The following FAM81A variants were observed in gnomAD, a reference collection of about 807,000 sequenced individuals.
FAM81A encodes protein FAM81A.
FAM81A carries 19 observed loss-of-function variants against 46.7 expected under a neutral mutation model. The observed-to-expected ratio is 0.41, with a 90% CI of 0.28 to 0.60. The LOEUF (loss-of-function observed/expected upper bound fraction) is 0.60. Ranked by LOEUF, FAM81A falls within the 20% of genes least tolerant of loss-of-function variation. The probability of loss-of-function intolerance (pLI) is 0.34; values close to 1 mark genes in which losing one functional copy is unlikely to be tolerated. For synonymous variants in FAM81A, 183 were observed against 152.9 expected (o/e 1.20, Z -1.45); for missense variants, 377 against 453.5 (o/e 0.83, Z 1.53).
intron 2 of FAM81A, 74 bp downstream of exon 2, chr15:59,458,720 G>A: frequency 7.1e-6 from 10 of 1,412,202 alleles, no homozygotes; most frequent in Non-Finnish European, 1.0e-5. Context: ...AGCTTGGGCT[G>A]TTACATTATC....
chr15:59,471,847 G>A (rs2081696217), intron 3 of FAM81A, among the ~76,000 whole-genome samples: 1 of 152,030 alleles, frequency 6.6e-6, no homozygotes, highest in Non-Finnish European at 1.5e-5. Flanking sequence ...CTAAGGACAA[G>A]GATTCACTCA....
chr15:59,465,759 A>G lies in FAM81A; in HGVS notation c.294+5553A>G, dbSNP rs559203761. The stretch of plus-strand genomic sequence containing the variant: ...TGCGCACAACGTGCAGGTTTGATAC[A>G]TAGTTATACATGTGCCATGTTGGTT... On this transcript the variant is annotated intron_variant, in intron 3 of 8. Transcript: ENST00000288228. Among the ~76,000 whole-genome samples the G allele has an allele frequency of 1.9e-4, 29 of 152,158 alleles. 1 individual carries two copies. Among genetic ancestry groups the G allele is most frequent in the Admixed American group, 1.8e-3 (27 of 15,278 alleles).
intron 2 of FAM81A, among the ~76,000 whole-genome samples, chr15:59,412,875 A>T (rs2081128409): frequency 6.6e-6 from 1 of 152,158 alleles, no homozygotes; most frequent in Admixed American, 6.5e-5. Context: ...TTGACATTAA[A>T]ATTAGCCTTG....
intron 4 of FAM81A, among the ~76,000 whole-genome samples, chr15:59,499,859 A>ATT (rs746846741): frequency 0.048 from 6,446 of 134,476 alleles, 176 homozygotes; most frequent in African/African-American, 0.068. Flanking sequence ...TTTCATTTTC[A>ATT]TTTTTTTTTT....
intron 2 of FAM81A, among the ~76,000 whole-genome samples, chr15:59,422,622 G>GC (rs1256933742): frequency 2.6e-5 from 4 of 152,054 alleles, no homozygotes; most frequent in Non-Finnish European, 4.4e-5. Context: ...GACTACAGGT[G>GC]CCTGCCACCA....
intron 2 of FAM81A, among the ~76,000 whole-genome samples, chr15:59,421,281 G>A (rs1438555972): frequency 6.6e-6 from 1 of 152,196 alleles, no homozygotes; most frequent in Non-Finnish European, 1.5e-5. Flanking sequence ...ATCCCTGACA[G>A]CTTGAACAAA....
chr15:59,463,255 C>G (rs1434592316), intron 3 of FAM81A, among the ~76,000 whole-genome samples: 2 of 151,922 alleles, frequency 1.3e-5, no homozygotes, highest in African/African-American at 4.8e-5. Flanking sequence ...CTATCCTTTT[C>G]CCATTTGTCC....
intron 3 of FAM81A, among the ~76,000 whole-genome samples, chr15:59,490,426 G>T (rs1225020336): frequency 2.0e-5 from 3 of 152,102 alleles, no homozygotes; most frequent in Non-Finnish European, 4.4e-5. Flanking sequence ...TTTAAAAAAT[G>T]GGCAAAAGAT....
chr15:59,453,671 G>GT (rs1483668585), intron 1 of FAM81A, among the ~76,000 whole-genome samples: 1 of 151,828 alleles, frequency 6.6e-6, no homozygotes, highest in Non-Finnish European at 1.5e-5. Flanking sequence ...AAAACAGGCA[G>GT]TAAAAATGGG....
rs866922463 is a variant in FAM81A, at chr15:59,444,839, A to G, written c.-78+6557A>G. 3.3e-5 allele frequency among the ~76,000 whole-genome samples: 5 copies of G among 152,332 alleles called. No homozygotes were observed. In the Middle Eastern group the frequency reaches 0.014, roughly 415 times the overall value. On this transcript the variant is annotated intron_variant, in intron 1 of 8. Transcript: ENST00000288228. Reference sequence around the variant, plus strand: ...ATAAAAGCAGGTGATTTTTGCAAAAAGAGAAAACCCAATTGCTTTTTATGC... The same window carrying G: ...ATAAAAGCAGGTGATTTTTGCAAAAGGAGAAAACCCAATTGCTTTTTATGC...
chr15:59,465,191 T>C (rs1208151200), intron 3 of FAM81A, among the ~76,000 whole-genome samples: 3 of 152,228 alleles, frequency 2.0e-5, no homozygotes, highest in African/African-American at 7.2e-5. Flanking sequence ...TTTATGCCAG[T>C]ACCATGCTGT....
At chr15:59,493,674 G>A (rs752593592) in intron 4 of FAM81A, among the ~76,000 whole-genome samples, 3 of 152,048 alleles carry the variant, frequency 2.0e-5, no homozygotes, top group African/African-American at 4.8e-5. Flanking sequence ...TGCAACCTCC[G>A]CCTCCTGGAT....
chr15:59,417,681 C>T (rs1438092067), intron 2 of FAM81A, among the ~76,000 whole-genome samples: 2 of 152,166 alleles, frequency 1.3e-5, no homozygotes, highest in African/African-American at 4.8e-5. Context: ...TGCCACTACA[C>T]TCCAGCCTGG....
rs764091252 is a variant in FAM81A at position 59,458,752 on chromosome 15, G to T, written c.20+106G>T. On this transcript the variant is annotated intron_variant, in intron 2 of 8. Transcript: ENST00000288228. Reference sequence around the variant, plus strand: ...TATCGGAGAATGGTTTTGTTCAAGGGCAAGAGAAACACTATTGTGTCCTCT... The same window carrying T: ...TATCGGAGAATGGTTTTGTTCAAGGTCAAGAGAAACACTATTGTGTCCTCT... 183 of 1,086,852 alleles carry T rather than the reference G, an allele frequency of 1.7e-4. No homozygotes were observed. The highest frequency in any genetic ancestry group is 2.6e-4 in the Non-Finnish European group (180 of 705,810). 67.3% of individuals were successfully genotyped at this position (1,086,852 alleles called of 1,614,324 possible).
At chr15:59,457,249 C>T (rs1567051567) in intron 1 of FAM81A, among the ~76,000 whole-genome samples, 1 of 152,162 alleles carries the variant, frequency 6.6e-6, no homozygotes, top group Non-Finnish European at 1.5e-5. Flanking sequence ...AAATCTTGTG[C>T]GATCCTGCTC....
chr15:59,442,460 T>C (rs1223341673), intron 1 of FAM81A, among the ~76,000 whole-genome samples: 2 of 151,172 alleles, frequency 1.3e-5, no homozygotes, highest in East Asian at 3.9e-4. Context: ...ACTAAAAAAA[T>C]ACAAAAATTA....
intron 3 of FAM81A, among the ~76,000 whole-genome samples, chr15:59,488,007 T>C (rs2081939708): frequency 2.0e-5 from 3 of 152,076 alleles, no homozygotes; most frequent in South Asian, 2.1e-4. Context: ...TGAACACTGA[T>C]GCAAAAACCC....
rs375976061 is a variant in FAM81A, at chr15:59,426,914, CTT to C, written c.-78+24557_-78+24558del. On this transcript the variant is annotated intron_variant, in intron 2 of 4. Coordinates refer to the FAM81A transcript ENST00000558348. ...ATGATTGAACACATTTCTTTTAACT[CTT>C]AGCATTAAGCATTGCCTTTTCTTGG... Among the ~76,000 whole-genome samples, 74 of 152,278 alleles carry C rather than the reference CTT, an allele frequency of 4.9e-4. 1 individual carries two copies. The highest frequency in any genetic ancestry group is 1.6e-3 in the African/African-American group (67 of 41,548).
In FAM81A at chr15:59,507,201, TTGTC is replaced by T; in HGVS notation, c.414-9_414-6del. 5.0e-6 allele frequency: 8 copies of T among 1,606,790 alleles called. No homozygotes were observed. The highest frequency in any genetic ancestry group is 2.2e-5 in the East Asian group (1 of 44,788). The stretch of plus-strand genomic sequence containing the variant: ...CTTTAATAAGAATCAGCTTTGTTCT[TTGTC>T]TGGACAGATGTGATGCCAGCATAGC... On this transcript the variant is annotated splice_region_variant and splice_polypyrimidine_tract_variant and intron_variant, in intron 4 of 8. Coordinates refer to ENST00000288228, the MANE Select transcript of FAM81A (RefSeq NM_152450.3).
Sources: gnomAD v4.1 joint callset for allele counts (sites outside exome capture counted in the v4.1 genomes callset) on GRCh38, gnomAD v4.1.1 for gene constraint, MANE v1.5 for transcripts, NCBI Gene and HGNC (gene_info 2026-07-23, HGNC 2026-07-21) for gene names.